RHBDD1: variants seen among roughly 807,000 people sequenced by gnomAD.
The protein encoded by RHBDD1 is rhomboid domain containing 1.
In RHBDD1, 38 loss-of-function variants were observed where a neutral mutation model predicts 36.3. The observed-to-expected ratio is 1.05, with a 90% confidence interval of 0.81 to 1.37. RHBDD1 has a LOEUF of 1.37. Among genes scored for constraint, RHBDD1 ranks in the 40% most tolerant of loss-of-function variants. RHBDD1 has a pLI of 0.00. For synonymous variants in RHBDD1, 151 were observed against 136.5 expected (o/e 1.11, Z -0.74); for missense variants, 393 against 377.6 (o/e 1.04, Z -0.34).
the RHBDD1 span, among the ~76,000 whole-genome samples, chr2:226,801,694 C>T: frequency 1.3e-5 from 2 of 152,114 alleles, no homozygotes; most frequent in South Asian, 2.1e-4. Flanking sequence ...GAAATGGAAG[C>T]GAGGCGGCAC....
chr2:226,947,728 A>AAAAC (rs527959569), intron 8 of RHBDD1, among the ~76,000 whole-genome samples: 4 of 152,210 alleles, frequency 2.6e-5, no homozygotes, highest in Non-Finnish European at 5.9e-5. Flanking sequence ...TTACAAGAAA[A>AAAAC]AAACAACCCC....
At chr2:226,830,696 TGG>T (rs1302113014), upstream of RHBDD1, among the ~76,000 whole-genome samples, 16 of 152,244 alleles carry the variant, frequency 1.1e-4, no homozygotes, top group South Asian at 2.9e-3. Context: ...TTTCAAGAGA[TGG>T]GGTCTCCCTT....
At chr2:226,811,199 G>A in the RHBDD1 span, among the ~76,000 whole-genome samples, 2 of 152,088 alleles carry the variant, frequency 1.3e-5, no homozygotes, top group Non-Finnish European at 2.9e-5. Context: ...GGACTCTAAA[G>A]CAGAGCTCAA....
At chr2:226,958,817 GT>G (rs966990532) in intron 8 of RHBDD1, among the ~76,000 whole-genome samples, 11 of 151,854 alleles carry the variant, frequency 7.2e-5, no homozygotes, top group African/African-American at 2.4e-4. Flanking sequence ...GACTCCAGGA[GT>G]TGGATACCCA....
At chr2:226,855,668 C>G (rs1264493953) in intron 3 of RHBDD1, among the ~76,000 whole-genome samples, 1 of 152,120 alleles carries the variant, frequency 6.6e-6, no homozygotes, top group Non-Finnish European at 1.5e-5. Context: ...TATTAAAGGT[C>G]TCAGTAGGCT....
intron 8 of RHBDD1, among the ~76,000 whole-genome samples, chr2:226,968,171 G>T (rs951042097): frequency 2.0e-5 from 3 of 152,182 alleles, no homozygotes; most frequent in Admixed American, 2.0e-4. Context: ...AGCTGGAAAT[G>T]ATATAAGAGT....
At chr2:226,816,388 A>G in the RHBDD1 span, among the ~76,000 whole-genome samples, 10 of 151,418 alleles carry the variant, frequency 6.6e-5, no homozygotes, top group Admixed American at 2.0e-4. Context: ...AAAAAAAAAA[A>G]AAAAAAAAGA....
chr2:226,892,999 G>A (rs1052770609), intron 5 of RHBDD1, among the ~76,000 whole-genome samples: 1 of 152,182 alleles, frequency 6.6e-6, no homozygotes, highest in Non-Finnish European at 1.5e-5. Context: ...AACCTGGGAA[G>A]GGCAGTGCAT....
chr2:226,918,226 G>C (rs1350354031), intron 8 of RHBDD1, among the ~76,000 whole-genome samples: 1 of 151,004 alleles, frequency 6.6e-6, no homozygotes, highest in African/African-American at 2.4e-5. Flanking sequence ...TATATTTATG[G>C]GGTACATGAG....
chr2:226,937,801 C>T (rs1950426897), intron 8 of RHBDD1, among the ~76,000 whole-genome samples: 1 of 152,198 alleles, frequency 6.6e-6, no homozygotes, highest in South Asian at 2.1e-4. Context: ...CATAGTATTA[C>T]ATGGTGTATA....
At chr2:226,922,489 G>A (rs1488648276) in intron 8 of RHBDD1, among the ~76,000 whole-genome samples, 1 of 152,168 alleles carries the variant, frequency 6.6e-6, no homozygotes, top group East Asian at 1.9e-4. Flanking sequence ...TTACAGGTGA[G>A]AGCCACTGTG....
intron 1 of RHBDD1, chr2:226,837,834 C>CAG (rs1401344038): frequency 1.3e-5 from 2 of 152,152 alleles, no homozygotes; most frequent in Non-Finnish European, 2.9e-5. Context: ...TGGTAAAGAC[C>CAG]AGAGGTAAGC....
chr2:226,843,852 G>A (rs1439673417), intron 3 of RHBDD1, among the ~76,000 whole-genome samples: 1 of 152,154 alleles, frequency 6.6e-6, no homozygotes, highest in Non-Finnish European at 1.5e-5. Context: ...AATGATACCT[G>A]CTCTTCTTTG....
the RHBDD1 span, chr2:226,804,403 GGCAAATGCACAGCCTT>G: frequency 2.0e-5 from 3 of 152,184 alleles, no homozygotes; most frequent in African/African-American, 7.2e-5. Context: ...TTCCAGAATT[GGCAAATGCACAGCCTT>G]AACCAGTCAA....
At chr2:226,819,135 T>G in the RHBDD1 span, among the ~76,000 whole-genome samples, 1 of 152,202 alleles carries the variant, frequency 6.6e-6, no homozygotes. Flanking sequence ...GTCTTAAGGG[T>G]ACTTCAAAAC....
At chr2:226,893,167 C>T (rs1162899888) in intron 5 of RHBDD1, among the ~76,000 whole-genome samples, 1 of 152,132 alleles carries the variant, frequency 6.6e-6, no homozygotes, top group African/African-American at 2.4e-5. Flanking sequence ...ACCATAGGGC[C>T]ATGGAATTTC....
chr2:226,889,165 G>A (rs954108843), intron 5 of RHBDD1, among the ~76,000 whole-genome samples: 4 of 152,154 alleles, frequency 2.6e-5, no homozygotes, highest in African/African-American at 9.7e-5. Flanking sequence ...ATGGTTTGTC[G>A]TGGTATTTCC....
intron 5 of RHBDD1, among the ~76,000 whole-genome samples, chr2:226,868,147 TG>T (rs529083882): frequency 9.2e-4 from 140 of 152,332 alleles, no homozygotes; most frequent in African/African-American, 3.3e-3. Context: ...AGAAGTGGAA[TG>T]GGGCCCCTTT....
intron 5 of RHBDD1, among the ~76,000 whole-genome samples, chr2:226,904,262 C>A (rs1432295338): frequency 6.6e-6 from 1 of 152,186 alleles, no homozygotes; most frequent in Admixed American, 6.5e-5. Context: ...GTCGCAGATA[C>A]ACACCCCTGG....
Sources: allele counts gnomAD v4.1 joint callset (sites outside exome capture counted in the v4.1 genomes callset), GRCh38; gene constraint gnomAD v4.1.1; transcripts MANE v1.5; gene names NCBI Gene and HGNC (gene_info 2026-07-23, HGNC 2026-07-21).